Variants in PPARGC1A observed in about 807,000 individuals in gnomAD.
The protein encoded by PPARGC1A is peroxisome proliferator-activated receptor gamma coactivator 1-alpha.
PPARGC1A carries 25 observed loss-of-function variants against 88.7 expected under a neutral mutation model. That is an observed-to-expected ratio of 0.28 (90% CI 0.21 to 0.39). PPARGC1A has a LOEUF of 0.39. Ranked by LOEUF, PPARGC1A falls within the 10% of genes least tolerant of loss-of-function variation. PPARGC1A has a pLI of 1.00. For missense variants in PPARGC1A, 880 were observed against 968.7 expected (o/e 0.91, Z 1.22); for synonymous variants, 363 against 355.6 (o/e 1.02, Z -0.24).
At chr4:24,031,249 T>C in the PPARGC1A span, among the ~76,000 whole-genome samples, 1 of 152,140 alleles carries the variant, frequency 6.6e-6, no homozygotes, top group Non-Finnish European at 1.5e-5. Context: ...TGCCTATCAG[T>C]CCCTTAGAAA....
At chr4:24,313,242 G>A in the PPARGC1A span, among the ~76,000 whole-genome samples, 1 of 152,170 alleles carries the variant, frequency 6.6e-6, no homozygotes, top group Non-Finnish European at 1.5e-5. Context: ...TAATGTATTT[G>A]CATCAGTTTT....
At chr4:24,319,807 T>C in the PPARGC1A span, among the ~76,000 whole-genome samples, 1 of 152,202 alleles carries the variant, frequency 6.6e-6, no homozygotes, top group Admixed American at 6.5e-5. Flanking sequence ...GCAGAATGAG[T>C]TGAATTCACT....
chr4:24,107,010 A>C, the PPARGC1A span, among the ~76,000 whole-genome samples: 1 of 152,230 alleles, frequency 6.6e-6, no homozygotes, highest in Non-Finnish European at 1.5e-5. Flanking sequence ...CTTCCTCTGG[A>C]AAAGCCATGA....
At chr4:24,086,355 T>C in the PPARGC1A span, among the ~76,000 whole-genome samples, 6 of 152,334 alleles carry the variant, frequency 3.9e-5, no homozygotes, top group African/African-American at 1.4e-4. Context: ...TCACCCTGAA[T>C]GGCTGGTGTC....
the PPARGC1A span, among the ~76,000 whole-genome samples, chr4:24,284,317 C>T: frequency 6.6e-6 from 1 of 151,692 alleles, no homozygotes; most frequent in Admixed American, 6.6e-5. Context: ...TCAAAACAAA[C>T]AAACAAACAA....
the PPARGC1A span, among the ~76,000 whole-genome samples, chr4:24,348,876 T>C: frequency 3.9e-5 from 6 of 152,262 alleles, no homozygotes; most frequent in East Asian, 1.2e-3. Context: ...TGAAGAGCCT[T>C]GTTTTATCAT....
At chr4:24,262,546 C>G in the PPARGC1A span, among the ~76,000 whole-genome samples, 2 of 152,174 alleles carry the variant, frequency 1.3e-5, no homozygotes, top group African/African-American at 2.4e-5. Flanking sequence ...CTTACCTATG[C>G]ACCAGTGAAA....
At chr4:24,054,281 A>C in the PPARGC1A span, among the ~76,000 whole-genome samples, 1 of 150,738 alleles carries the variant, frequency 6.6e-6, no homozygotes, top group East Asian at 2.0e-4. Flanking sequence ...GAGGAAGTGA[A>C]ACACATCTTT....
At chr4:24,289,719 C>T in the PPARGC1A span, among the ~76,000 whole-genome samples, 1 of 152,138 alleles carries the variant, frequency 6.6e-6, no homozygotes, top group African/African-American at 2.4e-5. Flanking sequence ...CAGCCAATTC[C>T]TGAGACCTTA....
chr4:23,867,757 C>T (rs1180478879), intron 2 of PPARGC1A, among the ~76,000 whole-genome samples: 1 of 152,158 alleles, frequency 6.6e-6, no homozygotes, highest in Non-Finnish European at 1.5e-5. Context: ...TCTTTCTAGC[C>T]CCTAAGCTTG....
At chr4:24,023,398 A>G in the PPARGC1A span, among the ~76,000 whole-genome samples, 4 of 152,166 alleles carry the variant, frequency 2.6e-5, no homozygotes, top group African/African-American at 9.7e-5. Flanking sequence ...AAAAACAGAT[A>G]AGGGCCAACT....
chr4:24,025,025 CCTT>C, the PPARGC1A span, among the ~76,000 whole-genome samples: 1 of 152,096 alleles, frequency 6.6e-6, no homozygotes, highest in Admixed American at 6.6e-5. Flanking sequence ...TAAATAAACT[CCTT>C]CTGACAAGTG....
chr4:24,031,978 G>A, the PPARGC1A span, among the ~76,000 whole-genome samples: 1 of 152,190 alleles, frequency 6.6e-6, no homozygotes, highest in African/African-American at 2.4e-5. Flanking sequence ...GGTAGCAGAA[G>A]CCCCAGGCCT....
At chr4:24,263,149 T>TA in the PPARGC1A span, among the ~76,000 whole-genome samples, 3 of 152,208 alleles carry the variant, frequency 2.0e-5, no homozygotes. Context: ...ACTGAGCACT[T>TA]ACTGTAGGTT....
chr4:24,394,498 T>C, the PPARGC1A span, among the ~76,000 whole-genome samples: 27 of 152,214 alleles, frequency 1.8e-4, no homozygotes, highest in Non-Finnish European at 3.4e-4. Context: ...AAGAAAACGC[T>C]GGTTGTGGTA....
intron 2 of PPARGC1A, among the ~76,000 whole-genome samples, chr4:23,865,261 A>G (rs7662405): frequency 0.097 from 14,812 of 152,232 alleles, 997 homozygotes; most frequent in Non-Finnish European, 0.14. Flanking sequence ...ATCCTTGAAC[A>G]TGGCAATGTG....
the PPARGC1A span, among the ~76,000 whole-genome samples, chr4:24,230,633 G>A: frequency 6.6e-6 from 1 of 152,174 alleles, no homozygotes; most frequent in African/African-American, 2.4e-5. Flanking sequence ...AGGCATCTGA[G>A]AACAGGAGTC....
chr4:23,975,636 T>C, the PPARGC1A span, among the ~76,000 whole-genome samples: 1 of 152,208 alleles, frequency 6.6e-6, no homozygotes, highest in Non-Finnish European at 1.5e-5. Context: ...CAGGCTGGTC[T>C]TGAACTCCTG....
the PPARGC1A span, among the ~76,000 whole-genome samples, chr4:24,059,999 G>T: frequency 6.6e-6 from 1 of 152,178 alleles, no homozygotes; most frequent in Non-Finnish European, 1.5e-5. Flanking sequence ...GCACACCTGG[G>T]ACGTCACAGC....
Sources: allele counts gnomAD v4.1 joint callset (sites outside exome capture counted in the v4.1 genomes callset), GRCh38; gene constraint gnomAD v4.1.1; transcripts MANE v1.5; gene names NCBI Gene and HGNC (gene_info 2026-07-23, HGNC 2026-07-21).